The following OPCML variants were observed in gnomAD, a reference collection of about 807,000 sequenced individuals.
OPCML encodes the protein opioid-binding protein/cell adhesion molecule.
Under a neutral mutation model 37.8 loss-of-function variants are expected in OPCML, and 13 were observed. The observed-to-expected ratio is 0.34, with a 90% CI of 0.22 to 0.55. The LOEUF is 0.55. OPCML is among the 20% of genes least tolerant of loss of function. OPCML has a pLI of 0.91. For synonymous variants in OPCML, 176 were observed against 168.8 expected (o/e 1.04, Z -0.33); for missense variants, 341 against 435.6 (o/e 0.78, Z 1.93).
At chr11:133,335,331 A>ATCCAGTTC (rs984307581) in intron 1 of OPCML, among the ~76,000 whole-genome samples, 1 of 152,132 alleles carries the variant, frequency 6.6e-6, no homozygotes, top group Non-Finnish European at 1.5e-5. Flanking sequence ...CTAACTCCAA[A>ATCCAGTTC]TCCAGTTCTC....
rs1223691427 is a variant in OPCML, at chr11:133,174,778, T to C, written c.62-231768A>G. On this transcript the variant is annotated intron_variant, in intron 1 of 7. Transcript: ENST00000524381. This position sits in a 1 kb window ranked among gnomAD's most constrained non-coding sequence, Gnocchi z 4.6. ...ACTGTTTTAGTCATTCAACTCTATA[T>C]TATAATTCATTTATGATGAGTGTAT... Among the ~76,000 whole-genome samples, 1 of 152,146 alleles carries C rather than the reference T, an allele frequency of 6.6e-6. No individual in the cohort carries two copies. The highest frequency in any genetic ancestry group is 1.5e-5 in the Non-Finnish European group (1 of 67,996).
intron 1 of OPCML, among the ~76,000 whole-genome samples, chr11:133,073,785 T>C (rs1319460733): frequency 2.6e-5 from 4 of 152,256 alleles, no homozygotes; most frequent in African/African-American, 9.6e-5. Flanking sequence ...GAATAGTTAC[T>C]ATTTATTGAC....
intron 1 of OPCML, among the ~76,000 whole-genome samples, chr11:133,315,849 T>C (rs1052255468): frequency 6.6e-6 from 1 of 152,126 alleles, no homozygotes; most frequent in African/African-American, 2.4e-5. Flanking sequence ...ATATTATATA[T>C]AGCCACAAAA....
intron 4 of OPCML, among the ~76,000 whole-genome samples, chr11:132,479,504 G>A (rs1192533681): frequency 2.0e-5 from 3 of 152,200 alleles, no homozygotes; most frequent in South Asian, 2.1e-4. Context: ...CAGAAAGCTC[G>A]AACTGGGTGG....
At chr11:133,505,924 G>C (rs1948022179) in intron 1 of OPCML, among the ~76,000 whole-genome samples, 1 of 152,150 alleles carries the variant, frequency 6.6e-6, no homozygotes, top group Admixed American at 6.6e-5. Context: ...CTGAGGACTA[G>C]GACCTATTGG....
At chr11:132,850,516 GGT>G (rs66934308) in intron 2 of OPCML, among the ~76,000 whole-genome samples, 28,864 of 147,714 alleles carry the variant, frequency 0.2, 2,769 homozygotes, top group East Asian at 0.26. Flanking sequence ...CTGTGGAAAG[GGT>G]GTGTGTGTGT....
intron 1 of OPCML, among the ~76,000 whole-genome samples, chr11:133,083,134 GCACACACACGCACA>G (rs1274757046): frequency 4.1e-4 from 61 of 147,922 alleles, no homozygotes; most frequent in African/African-American, 6.5e-4. Context: ...CACACACCAC[GCACACACACGCACA>G]CACACACACG....
At chr11:133,149,344 G>C (rs1949941880) in intron 1 of OPCML, among the ~76,000 whole-genome samples, 1 of 152,178 alleles carries the variant, frequency 6.6e-6, no homozygotes. Context: ...TGACATTGTA[G>C]TATATCACCC....
chr11:133,330,418 A>G (rs1943590287), intron 1 of OPCML, among the ~76,000 whole-genome samples: 1 of 152,208 alleles, frequency 6.6e-6, no homozygotes. Context: ...TCACAATAGC[A>G]AAGACTTGGA....
In OPCML at chr11:132,797,916, G is replaced by A. The variant is rs112782009; in HGVS notation, c.147-140597C>T. Among the ~76,000 whole-genome samples the A allele has an allele frequency of 8.0e-4, 122 of 152,198 alleles. 1 individual carries two copies. The highest frequency in any genetic ancestry group is 1.3e-3 in the Non-Finnish European group (90 of 68,014). On this transcript the variant is annotated intron_variant, in intron 2 of 7. Coordinates refer to ENST00000524381, the MANE Select transcript of OPCML (RefSeq NM_001012393.5). Reference sequence around the variant, plus strand: ...TGTGGCAATTTCTTAAAATTAGACAGCAATGAAGTTGGCCACGTTGATTGA... The same window carrying A: ...TGTGGCAATTTCTTAAAATTAGACAACAATGAAGTTGGCCACGTTGATTGA...
intron 1 of OPCML, among the ~76,000 whole-genome samples, chr11:133,059,526 G>A (rs553722866): frequency 3.9e-5 from 6 of 152,144 alleles, no homozygotes; most frequent in Non-Finnish European, 8.8e-5. Flanking sequence ...CTTCACCTCC[G>A]CACGCTTGCA....
intron 1 of OPCML, among the ~76,000 whole-genome samples, chr11:133,267,504 A>G (rs1366997777): frequency 6.6e-6 from 1 of 152,220 alleles, no homozygotes; most frequent in Non-Finnish European, 1.5e-5. Flanking sequence ...TACCTGCATC[A>G]TAACAGGCAC....
intron 1 of OPCML, among the ~76,000 whole-genome samples, chr11:133,373,448 T>TATATATATATATAC (rs966091785): frequency 1.4e-4 from 18 of 132,180 alleles, no homozygotes; most frequent in Admixed American, 3.9e-4. Context: ...TATATATATA[T>TATATATATATATAC]ACACACACAC....
intron 1 of OPCML, chr11:133,009,140 G>C: frequency 1.0e-6 from 1 of 985,286 alleles, no homozygotes; most frequent in Non-Finnish European, 1.2e-6. Context: ...CACTGATTTA[G>C]ATTAGGATTT....
rs571656648 is a variant in OPCML at position 132,733,148 on chromosome 11, G to C, written c.147-75829C>G. Among the ~76,000 whole-genome samples the C allele has an allele frequency of 5.3e-5, 8 of 152,130 alleles. No individual in the cohort carries two copies. The East Asian group carries it at 9.7e-4, about 18-fold the overall frequency. The stretch of plus-strand genomic sequence containing the variant: ...TCACGAAGATGAAATAATTCTGGGA[G>C]CGAACATTTAACAAAGATGGGTGAC... On this transcript the variant is annotated intron_variant, in intron 2 of 7. Transcript: ENST00000524381.
chr11:132,647,080 C>T lies in OPCML; in HGVS notation c.379+10007G>A, dbSNP rs148215051. ...AGGATGTGTATTGTAAATGACCTGG[C>T]GTGGCAGTCTGACCTACTTATTTAA... On this transcript the variant is annotated intron_variant, in intron 3 of 7. Transcript: ENST00000524381. Among the ~76,000 whole-genome samples the T allele has an allele frequency of 2.1e-3, 314 of 152,192 alleles. 3 individuals are homozygous for T. The highest frequency in any genetic ancestry group is 7.0e-3 in the African/African-American group (291 of 41,528).
intron 3 of OPCML, among the ~76,000 whole-genome samples, chr11:132,647,054 A>T (rs1023160338): frequency 6.6e-6 from 1 of 152,220 alleles, no homozygotes; most frequent in African/African-American, 2.4e-5. Flanking sequence ...CTGACACAGA[A>T]AGGATGTGTA....
Position 133,344,716 on chromosome 11 carries a change from A to G in OPCML, c.61+187548T>C, listed in dbSNP as rs117272644. Reference sequence around the variant, plus strand: ...TCTGCATTTCAAAAATTACAGAAAAATAGGGGTTTGCTTGTCATTTTCTTT... The same window carrying G: ...TCTGCATTTCAAAAATTACAGAAAAGTAGGGGTTTGCTTGTCATTTTCTTT... On this transcript the variant is annotated intron_variant, in intron 1 of 7. Coordinates refer to ENST00000524381, the MANE Select transcript of OPCML (RefSeq NM_001012393.5). Among the ~76,000 whole-genome samples the G allele has an allele frequency of 1.8e-4, 27 of 152,332 alleles. No homozygotes were observed. In the East Asian group the frequency reaches 5.2e-3, roughly 29 times the overall value.
At chr11:133,140,985 A>G (rs141531194) in intron 1 of OPCML, among the ~76,000 whole-genome samples, 1 of 3,718 alleles carries the variant, frequency 2.7e-4, no homozygotes, top group African/African-American at 5.0e-4. Context: ...AAGAAGAAGA[A>G]GAAGAAGAAG....
Sources: gnomAD v4.1 joint callset for allele counts (sites outside exome capture counted in the v4.1 genomes callset) on GRCh38, gnomAD v4.1.1 for gene constraint, Gnocchi (gnomAD v3.1) non-coding constraint, MANE v1.5 for transcripts, NCBI Gene and HGNC (gene_info 2026-07-23, HGNC 2026-07-21) for gene names.